Variants in TESK2 observed in about 807,000 individuals in gnomAD.
TESK2 encodes testis associated actin remodelling kinase 2.
TESK2 carries 39 observed loss-of-function variants against 57.1 expected under a neutral mutation model. That is an observed-to-expected ratio of 0.68 (90% CI 0.53 to 0.89). The LOEUF (loss-of-function observed/expected upper bound fraction) is 0.89, where lower values mean the gene tolerates loss of function less well. TESK2 is among the 40% of genes least tolerant of loss of function. The pLI, the probability that TESK2 is intolerant of heterozygous loss-of-function variation, is 0.00. For synonymous variants in TESK2, 249 were observed against 267.9 expected (o/e 0.93, Z 0.69); for missense variants, 646 against 732.1 (o/e 0.88, Z 1.36).
chr1:45,423,106 G>C (rs1443939621), intron 2 of TESK2, among the ~76,000 whole-genome samples: 1 of 152,068 alleles, frequency 6.6e-6, no homozygotes, highest in Non-Finnish European at 1.5e-5. Flanking sequence ...CCTCATGGCT[G>C]ACCTTGGTGA....
At chr1:45,426,980 C>T (rs758201229) in intron 2 of TESK2, among the ~76,000 whole-genome samples, 1 of 152,066 alleles carries the variant, frequency 6.6e-6, no homozygotes, top group Non-Finnish European at 1.5e-5. Context: ...CGGTGGCTCA[C>T]GCCTGTAATC....
chr1:45,381,860 CTTTTTTTTTT>C (rs748886310), intron 4 of TESK2, among the ~76,000 whole-genome samples: 4 of 91,890 alleles, frequency 4.4e-5, no homozygotes, highest in African/African-American at 1.7e-4. Context: ...CATTCCTATT[CTTTTTTTTTT>C]TTTTTTTTTT....
rs1557551557 is a variant in TESK2 at position 45,384,609 on chromosome 1, T to TTTTTA, written c.393+1302_393+1303insTAAAA. Among the ~76,000 whole-genome samples the TTTTTA allele has an allele frequency of 3.3e-3, 426 of 130,478 alleles. 15 individuals are homozygous for TTTTTA. The highest frequency in any genetic ancestry group is 9.2e-3 in the African/African-American group (311 of 33,872). The allele number at this position is 130,478 out of a possible 152,430, so 85.6% of individuals were successfully genotyped here. On this transcript the variant is annotated intron_variant, in intron 4 of 10. Transcript: ENST00000372086. ...TAATTATTAATTTTTTTTTTTTTTT[T>TTTTTA]TTTTTTTTTTTTTTTTTGTAGAGAC...
intron 2 of TESK2, among the ~76,000 whole-genome samples, chr1:45,429,100 C>T (rs373372835): frequency 1.3e-5 from 2 of 152,154 alleles, no homozygotes; most frequent in African/African-American, 2.4e-5. Context: ...GGATTACAGG[C>T]GTGAGCCACC....
intron 2 of TESK2, among the ~76,000 whole-genome samples, chr1:45,439,837 A>G (rs1335430135): frequency 6.6e-6 from 1 of 152,176 alleles, no homozygotes; most frequent in Non-Finnish European, 1.5e-5. Flanking sequence ...ACATGCCTGT[A>G]GTCCTAGCCA....
At chr1:45,459,007 C>T (rs947308993) in intron 1 of TESK2, among the ~76,000 whole-genome samples, 2 of 152,208 alleles carry the variant, frequency 1.3e-5, no homozygotes, top group Non-Finnish European at 2.9e-5. Context: ...ACTCAGTTTA[C>T]CACCACCACT....
At chr1:45,440,765 C>G (rs752666069) in intron 2 of TESK2, among the ~76,000 whole-genome samples, 1 of 151,742 alleles carries the variant, frequency 6.6e-6, no homozygotes, top group South Asian at 2.1e-4. Context: ...TATATTTGTA[C>G]CACTGCAGGT....
At chr1:45,452,974 T>C (rs1270429548) in intron 2 of TESK2, among the ~76,000 whole-genome samples, 1 of 151,460 alleles carries the variant, frequency 6.6e-6, no homozygotes, top group African/African-American at 2.4e-5. Context: ...GTCACTTGAG[T>C]CCAGGAGGAT....
At chr1:45,409,767 A>G (rs972056060) in intron 3 of TESK2, among the ~76,000 whole-genome samples, 5 of 152,176 alleles carry the variant, frequency 3.3e-5, no homozygotes, top group African/African-American at 9.7e-5. Flanking sequence ...GGCTCAAGTG[A>G]TGGATGAATG....
At chr1:45,370,869 C>T (rs1434217420) in intron 4 of TESK2, among the ~76,000 whole-genome samples, 1 of 151,964 alleles carries the variant, frequency 6.6e-6, no homozygotes, top group East Asian at 1.9e-4. Flanking sequence ...AATGAGGAGC[C>T]ACAGAAGGGT....
chr1:45,418,439 T>A (rs1312416034), intron 3 of TESK2, among the ~76,000 whole-genome samples: 5 of 152,226 alleles, frequency 3.3e-5, no homozygotes. Flanking sequence ...GATCATAAAC[T>A]ACAATCCTTT....
chr1:45,434,959 C>CTTTTTTTTTTT (rs60515365), intron 2 of TESK2, among the ~76,000 whole-genome samples: 17 of 140,416 alleles, frequency 1.2e-4, no homozygotes, highest in South Asian at 4.4e-4. Context: ...ACTTTTCTTT[C>CTTTTTTTTTTT]TTTTTTTTTT....
intron 2 of TESK2, among the ~76,000 whole-genome samples, chr1:45,442,161 C>T (rs1651472081): frequency 6.6e-6 from 1 of 152,162 alleles, no homozygotes; most frequent in Admixed American, 6.5e-5. Context: ...GTCTCAAACT[C>T]CCAACCTCAG....
rs551336236 is a variant in TESK2, at chr1:45,450,776, T to A, written c.222+6788A>T. Among the ~76,000 whole-genome samples the A allele has an allele frequency of 3.4e-3, 517 of 151,982 alleles. 4 individuals carry two copies. The highest frequency in any genetic ancestry group is 0.011 in the African/African-American group (471 of 41,520). On this transcript the variant is annotated intron_variant, in intron 2 of 10. Transcript: ENST00000372086. ...TTATTTATTTCTTTTTCTTTTTTTT[T>A]AAATTTTATTATTATTATACTTTAA...
chr1:45,350,221 CAAG>C (rs1647211995), intron 5 of TESK2, among the ~76,000 whole-genome samples: 1 of 152,162 alleles, frequency 6.6e-6, no homozygotes, highest in Admixed American at 6.5e-5. Context: ...ACTGAGCTGA[CAAG>C]AGACTCAAAA....
At chr1:45,393,485 G>A (rs1015548646) in intron 3 of TESK2, among the ~76,000 whole-genome samples, 1 of 152,210 alleles carries the variant, frequency 6.6e-6, no homozygotes, top group Non-Finnish European at 1.5e-5. Flanking sequence ...GCTCATGTCT[G>A]TAATCCCAGC....
chr1:45,380,862 A>G (rs1255610786), intron 4 of TESK2, among the ~76,000 whole-genome samples: 1 of 152,222 alleles, frequency 6.6e-6, no homozygotes, highest in African/African-American at 2.4e-5. Flanking sequence ...GAATACATAA[A>G]AAGTGAGTCA....
chr1:45,453,253 G>C (rs1310079563), intron 2 of TESK2, among the ~76,000 whole-genome samples: 1 of 151,058 alleles, frequency 6.6e-6, no homozygotes, highest in Non-Finnish European at 1.5e-5. Context: ...AGGCTGAAGT[G>C]GGAGGATCAC....
At chr1:45,393,943 C>T (rs1386294253) in intron 3 of TESK2, among the ~76,000 whole-genome samples, 1 of 152,060 alleles carries the variant, frequency 6.6e-6, no homozygotes, top group Admixed American at 6.6e-5. Context: ...AAATCATTGT[C>T]ATGTCACAAG....
Sources: gnomAD v4.1 joint callset for allele counts (sites outside exome capture counted in the v4.1 genomes callset) on GRCh38, gnomAD v4.1.1 for gene constraint, MANE v1.5 for transcripts, NCBI Gene and HGNC (gene_info 2026-07-23, HGNC 2026-07-21) for gene names.